CTNNA2: variants seen among roughly 807,000 people sequenced by gnomAD.
CTNNA2 encodes catenin alpha-2.
A neutral mutation model predicts 101.0 loss-of-function variants in CTNNA2; 42 were observed. That is an observed-to-expected ratio of 0.42 (90% CI 0.32 to 0.54). CTNNA2 has a LOEUF of 0.54. Among genes scored for constraint, CTNNA2 ranks in the 20% least tolerant of loss-of-function variants. The pLI is 0.14. For synonymous variants in CTNNA2, 450 were observed against 456.4 expected, an observed-to-expected ratio of 0.99 and a Z score of 0.18; for missense variants, 871 against 1,223.1, an observed-to-expected ratio of 0.71 and a Z score of 4.29.
At chr2:79,769,097 C>T (rs1284904863) in intron 3 of CTNNA2, among the ~76,000 whole-genome samples, 4 of 152,238 alleles carry the variant, frequency 2.6e-5, no homozygotes, top group East Asian at 3.9e-4. Flanking sequence ...CCTCGTGATC[C>T]GCCCGGCTCG....
intron 1 of CTNNA2, among the ~76,000 whole-genome samples, chr2:79,606,712 A>G (rs1472612205): frequency 6.6e-6 from 1 of 152,226 alleles, no homozygotes; most frequent in Non-Finnish European, 1.5e-5. Context: ...ACAAAGTGGT[A>G]TAGTATCACT....
intron 4 of CTNNA2, among the ~76,000 whole-genome samples, chr2:79,457,068 G>C (rs980182284): frequency 2.0e-5 from 3 of 151,982 alleles, no homozygotes; most frequent in Admixed American, 6.6e-5. Context: ...CGGGCGCGGT[G>C]GCGGGCGCCT....
intron 7 of CTNNA2, among the ~76,000 whole-genome samples, chr2:79,982,303 TA>T (rs1199196746): frequency 2.2e-5 from 3 of 134,440 alleles, no homozygotes; most frequent in Admixed American, 1.5e-4. Context: ...ATAACATATA[TA>T]AAACATATAT....
intron 12 of CTNNA2, among the ~76,000 whole-genome samples, chr2:80,569,644 T>TG (rs1558598216): frequency 0.017 from 1,747 of 101,364 alleles, 153 homozygotes; most frequent in African/African-American, 0.053. Context: ...TTTTTTTTTT[T>TG]TTTTTTTTTT....
intron 3 of CTNNA2, among the ~76,000 whole-genome samples, chr2:79,835,807 A>AT: frequency 6.9e-6 from 1 of 145,320 alleles, no homozygotes; most frequent in East Asian, 2.2e-4. Context: ...TAATTTTTGT[A>AT]TTTTTAGTAG....
intron 2 of CTNNA2, among the ~76,000 whole-genome samples, chr2:79,251,811 C>T (rs1225395895): frequency 6.6e-6 from 1 of 152,124 alleles, no homozygotes; most frequent in Non-Finnish European, 1.5e-5. Flanking sequence ...AGTGGACCCA[C>T]CTAAGCCATG....
chr2:79,738,126 C>A (rs1279715455), intron 2 of CTNNA2, among the ~76,000 whole-genome samples: 5 of 152,136 alleles, frequency 3.3e-5, no homozygotes, highest in South Asian at 2.1e-4. Flanking sequence ...TCTATACAAG[C>A]CTGGGTCTCA....
intron 1 of CTNNA2, among the ~76,000 whole-genome samples, chr2:79,556,564 A>G (rs1440509947): frequency 6.6e-6 from 1 of 152,044 alleles, no homozygotes; most frequent in East Asian, 1.9e-4. Flanking sequence ...ATTGTTGTGC[A>G]CAAAATATGT....
chr2:79,848,672 A>C (rs1680433955), intron 3 of CTNNA2, among the ~76,000 whole-genome samples: 1 of 152,196 alleles, frequency 6.6e-6, no homozygotes, highest in African/African-American at 2.4e-5. Flanking sequence ...AATACACTTA[A>C]TCATTAGTTA....
At chr2:79,975,318 A>G (rs976178197) in intron 7 of CTNNA2, among the ~76,000 whole-genome samples, 1 of 152,132 alleles carries the variant, frequency 6.6e-6, no homozygotes, top group African/African-American at 2.4e-5. Context: ...AGGATTTGGA[A>G]AAACAAACTC....
intron 9 of CTNNA2, among the ~76,000 whole-genome samples, chr2:80,437,670 G>A (rs1223113316): frequency 6.6e-6 from 1 of 152,086 alleles, no homozygotes; most frequent in Non-Finnish European, 1.5e-5. Context: ...TAAAGTATAG[G>A]TACAGTATTC....
intron 6 of CTNNA2, 49 bp from the exon 7 acceptor site, chr2:79,909,545 G>A: frequency 6.6e-7 from 1 of 1,505,530 alleles, no homozygotes; most frequent in Non-Finnish European, 9.1e-7. Flanking sequence ...TGCCAAGGCA[G>A]ACCTCTCTTC....
chr2:79,474,548 T>C (rs1253130990), intron 4 of CTNNA2, among the ~76,000 whole-genome samples: 3 of 152,214 alleles, frequency 2.0e-5, no homozygotes, highest in Non-Finnish European at 4.4e-5. Flanking sequence ...TAAAATTTAC[T>C]GTACTTTAAT....
At chr2:80,378,528 T>A (rs1008622684) in intron 7 of CTNNA2, among the ~76,000 whole-genome samples, 1 of 152,098 alleles carries the variant, frequency 6.6e-6, no homozygotes, top group African/African-American at 2.4e-5. Flanking sequence ...TTTATTTTAC[T>A]CTGCTGTGTT....
intron 3 of CTNNA2, among the ~76,000 whole-genome samples, chr2:79,759,436 A>G (rs1274847754): frequency 1.3e-5 from 2 of 152,098 alleles, no homozygotes; most frequent in Non-Finnish European, 2.9e-5. Context: ...ATGCTTATGA[A>G]TGGTCACTTT....
intron 1 of CTNNA2, among the ~76,000 whole-genome samples, chr2:79,593,293 C>T (rs937057505): frequency 6.6e-6 from 1 of 152,168 alleles, no homozygotes; most frequent in Non-Finnish European, 1.5e-5. Context: ...TAGGATAATA[C>T]AGCCTTTGCT....
chr2:79,639,896 C>T (rs1558793820), intron 1 of CTNNA2, among the ~76,000 whole-genome samples: 1 of 151,772 alleles, frequency 6.6e-6, no homozygotes, highest in Non-Finnish European at 1.5e-5. Flanking sequence ...AATCTCCTTC[C>T]TGCATCAGAA....
intron 7 of CTNNA2, among the ~76,000 whole-genome samples, chr2:80,242,964 G>A (rs1671053338): frequency 6.6e-6 from 1 of 152,156 alleles, no homozygotes; most frequent in African/African-American, 2.4e-5. Context: ...ACAGTTTCTG[G>A]AGGTGCAAAA....
At chr2:79,665,622 C>T (rs1309851040) in intron 2 of CTNNA2, among the ~76,000 whole-genome samples, 1 of 152,138 alleles carries the variant, frequency 6.6e-6, no homozygotes, top group African/African-American at 2.4e-5. Flanking sequence ...GAAAATTATA[C>T]TATCTTTTAA....
Sources: gnomAD v4.1 joint callset for allele counts (sites outside exome capture counted in the v4.1 genomes callset) on GRCh38, gnomAD v4.1.1 for gene constraint, MANE v1.5 for transcripts, NCBI Gene and HGNC (gene_info 2026-07-23, HGNC 2026-07-21) for gene names.